Variants in AGO1 observed in about 807,000 individuals in gnomAD.
AGO1 encodes the protein protein argonaute-1.
Under a neutral mutation model 109.2 loss-of-function variants are expected in AGO1, and 11 were observed. The observed-to-expected ratio is 0.10, with a 90% CI of 0.06 to 0.17. The LOEUF is 0.17. Among genes scored for constraint, AGO1 ranks in the 10% least tolerant of loss-of-function variants. The pLI, the probability that AGO1 is intolerant of heterozygous loss-of-function variation, is 1.00. For synonymous variants in AGO1, 422 were observed against 418.6 expected (o/e 1.01, Z -0.10); for missense variants, 574 against 1,140.3 (o/e 0.50, Z 7.15).
chr1:35,923,379 G>C lies in AGO1; in HGVS notation c.*3772G>C. The C allele has an allele frequency of 1.3e-5, 2 of 152,478 alleles. No individual in the cohort carries two copies. The allele number at this position is 152,478 out of a possible 1,614,324, so 9.4% of individuals were successfully genotyped here. A position where few individuals can be genotyped will look rare whatever the true frequency, so the allele number is the denominator to read the frequency against. On this transcript the variant is annotated 3_prime_UTR_variant, in exon 19 of 19. Coordinates refer to ENST00000373204, the MANE Select transcript of AGO1 (RefSeq NM_012199.5). Reference sequence around the variant, plus strand: ...GGCCCATAGGATATCTGTAAGGCTGGTGGGACAGTTTTGGACCTGGAATCA... The same window carrying C: ...GGCCCATAGGATATCTGTAAGGCTGCTGGGACAGTTTTGGACCTGGAATCA...
upstream of AGO1, among the ~76,000 whole-genome samples, chr1:35,878,285 A>G (rs931557982): frequency 6.6e-5 from 10 of 150,658 alleles, no homozygotes; most frequent in Admixed American, 3.3e-4. Flanking sequence ...TGGGGTTTCA[A>G]CTTGTTAGCC....
In AGO1 at chr1:35,919,677, C is replaced by G; in HGVS notation, c.*70C>G. On this transcript the variant is annotated 3_prime_UTR_variant, in exon 19 of 19. Transcript: ENST00000373204. The surrounding 1 kb of genome is among the most constrained non-coding windows in gnomAD (Gnocchi z 6.6). Reference sequence around the variant, plus strand: ...GCCCCAGGAGCTGTGCCACCCAAATCCAGAGGAAGCAAGGAGGAGGGAGGT... The same window carrying G: ...GCCCCAGGAGCTGTGCCACCCAAATGCAGAGGAAGCAAGGAGGAGGGAGGT... 1 of 1,448,718 alleles carries G rather than the reference C, an allele frequency of 6.9e-7. No individual in the cohort carries two copies. The highest frequency in any genetic ancestry group is 2.3e-5 in the East Asian group (1 of 42,796). 89.7% of individuals were successfully genotyped at this position (1,448,718 alleles called of 1,614,324 possible).
upstream of AGO1, chr1:35,882,714 G>A (rs1052898221): frequency 3.0e-6 from 2 of 673,400 alleles, no homozygotes; most frequent in African/African-American, 3.9e-5. The surrounding 1 kb of genome is among the most constrained non-coding windows in gnomAD (Gnocchi z 5.1). Flanking sequence ...TCCAGCACAT[G>A]GCGTGGAAGA....
intron 12 of AGO1, 97 bp from the exon 13 acceptor site, chr1:35,913,745 T>A (rs756899281): frequency 7.0e-6 from 9 of 1,277,752 alleles, no homozygotes; most frequent in Non-Finnish European, 9.8e-6. Context: ...TTCCTGTCAT[T>A]ATTGTGTTCC....
intron 15 of AGO1, among the ~76,000 whole-genome samples, chr1:35,916,225 A>G (rs1645732853): frequency 6.6e-6 from 1 of 151,810 alleles, no homozygotes; most frequent in Non-Finnish European, 1.5e-5. Context: ...ATAATAGTGT[A>G]TTTCCATTTA....
rs368250195 is a variant in AGO1, at chr1:35,872,889, GTTC to G, written c.-201+2989_-201+2991del. ...AGCCACCATGCTTGGGTCTATTTCT[GTTC>G]TTTTCAGTTTTTTTGTTTGTTTGTT... On this transcript the variant is annotated intron_variant, in intron 1 of 18. Transcript: ENST00000373206. 1.2e-4 allele frequency among the ~76,000 whole-genome samples: 18 copies of G among 151,920 alleles called. No individual in the cohort carries two copies. The East Asian group carries it at 2.5e-3, about 21-fold the overall frequency.
In AGO1 at chr1:35,915,396, C is replaced by G. The variant is rs746534916; in HGVS notation, c.1882C>G (p.Arg628Gly). ...CCCCAGCCGATACTGTGCTACTGTG[C>G]GGGTACAGCGACCACGGCAAGAGAT... ...AHPSRYCATV[R>G]VQRPRQEIIE... Residue 628 changes from arginine to glycine, a missense_variant, in exon 15 of 19, where the codon CGG (arginine) becomes GGG (glycine). Arg to Gly is a moderately radical substitution (Grantham distance 125, BLOSUM62 -2). Transcript: ENST00000373204. 20 of 1,613,906 alleles carry G rather than the reference C, an allele frequency of 1.2e-5. No individual in the cohort carries two copies. Among genetic ancestry groups the G allele is most frequent in the Admixed American group, 1.7e-5 (1 of 59,994 alleles).
chr1:35,873,093 T>G (rs1644966388), intron 1 of AGO1, among the ~76,000 whole-genome samples: 1 of 151,944 alleles, frequency 6.6e-6, no homozygotes, highest in Non-Finnish European at 1.5e-5. Flanking sequence ...TGTCTATGCT[T>G]AGCAAAGTTT....
At chr1:35,871,270 G>T (rs188204238) in intron 1 of AGO1, among the ~76,000 whole-genome samples, 5 of 152,286 alleles carry the variant, frequency 3.3e-5, no homozygotes, top group Non-Finnish European at 7.3e-5. Flanking sequence ...ATTAGGCTGG[G>T]CGAGGTGGCT....
chr1:35,915,178 T>C (rs1302516715), intron 14 of AGO1, among the ~76,000 whole-genome samples, 170 bp from the exon 15 acceptor site: 2 of 152,028 alleles, frequency 1.3e-5, no homozygotes, highest in Non-Finnish European at 2.9e-5. Flanking sequence ...TCAGAGAGAT[T>C]GAGTAACTTC....
In AGO1 at chr1:35,883,893, CTG is replaced by C. The variant is rs1398464208; in HGVS notation, c.25+450_25+451del. 6.6e-6 allele frequency among the ~76,000 whole-genome samples: 1 copy of C among 152,230 alleles called. No homozygotes were observed. Among genetic ancestry groups the C allele is most frequent in the East Asian group, 1.9e-4 (1 of 5,194 alleles). ...CTTGGGAGAAGGCGCCAGAGCTGGA[CTG>C]TGAGCTCCGCCCCACTGGGCCTGAC... On this transcript the variant is annotated intron_variant, in intron 1 of 18. Transcript: ENST00000373204. This position sits in a 1 kb window ranked among gnomAD's most constrained non-coding sequence, Gnocchi z 5.4.
chr1:35,878,068 TTTTTA>T (rs1279786424), intron 1 of AGO1, among the ~76,000 whole-genome samples: 1 of 150,958 alleles, frequency 6.6e-6, no homozygotes, highest in Non-Finnish European at 1.5e-5. Flanking sequence ...ACCTGTTTCC[TTTTTA>T]TTTTTATTTA....
Position 35,893,149 on chromosome 1 carries a change from T to C in AGO1, c.383T>C (p.Val128Ala). 2 of 1,614,092 alleles carry C rather than the reference T, an allele frequency of 1.2e-6. No homozygotes were observed. The highest frequency in any genetic ancestry group is 1.7e-6 in the Non-Finnish European group (2 of 1,180,014). ...PGEGKDRIFK[V>A]SIKWLAIVSW... Reference sequence around the variant, plus strand: ...GAAGGGAAGGATCGAATCTTTAAGGTCTCCATCAAGTGGCTAGCCATTGTG... The same window carrying C: ...GAAGGGAAGGATCGAATCTTTAAGGCCTCCATCAAGTGGCTAGCCATTGTG... Residue 128 changes from valine (V) to alanine (A), a missense_variant, in exon 4 of 19, where the codon GTC becomes GCC. Around this residue, in one of 8 missense-constraint regions of AGO1, gnomAD observed 129 missense variants for 243.0 expected, o/e 0.53. Transcript: ENST00000373204. This position sits in a 1 kb window ranked among gnomAD's most constrained non-coding sequence, Gnocchi z 5.6.
At chr1:35,902,999 CTTTTTTTT>C (rs899277604) in intron 11 of AGO1, among the ~76,000 whole-genome samples, 2 of 108,806 alleles carry the variant, frequency 1.8e-5, no homozygotes, top group African/African-American at 3.4e-5. Flanking sequence ...CACCTGGAGT[CTTTTTTTT>C]TTTTTTTTTT....
chr1:35,885,470 G>C (rs1478168591), intron 1 of AGO1, among the ~76,000 whole-genome samples: 1 of 152,232 alleles, frequency 6.6e-6, no homozygotes, highest in Non-Finnish European at 1.5e-5. Flanking sequence ...TCAGTAAAGG[G>C]TATAATTGAG....
chr1:35,901,929 G>T lies in AGO1; in HGVS notation c.1141-19G>T. ...GCCAAGCTCCTGTTCTCCTGAGATT[G>T]CTCTCTTTTGTCCTGCAGATGAAGA... On this transcript the variant is annotated intron_variant, in intron 9 of 18. Coordinates refer to ENST00000373204, the MANE Select transcript of AGO1 (RefSeq NM_012199.5). This position sits in a 1 kb window ranked among gnomAD's most constrained non-coding sequence, Gnocchi z 4.8. 1 of 1,563,090 alleles carries T rather than the reference G, an allele frequency of 6.4e-7. No individual in the cohort carries two copies.
intron 15 of AGO1, 138 bp from the exon 16 acceptor site, chr1:35,917,455 A>C: frequency 4.1e-6 from 4 of 973,160 alleles, no homozygotes; most frequent in Non-Finnish European, 4.5e-6. Flanking sequence ...GTCATCTCTA[A>C]TTGTTGAGCA....
rs1324541265 is a variant in AGO1, at chr1:35,926,952, T to G, written c.*7345T>G. On this transcript the variant is annotated 3_prime_UTR_variant, in exon 19 of 19. Transcript: ENST00000373204. ...ATGGTTTTTTGTTTGGGGTTTTTTT[T>G]TTTTTTTTTTTGGACAAAGTATAAT... is the stretch of plus-strand genomic sequence containing the variant. The G allele has an allele frequency of 8.5e-4, 128 of 151,456 alleles. 1 individual carries two copies. Among genetic ancestry groups the G allele is most frequent in the African/African-American group, 3.0e-3 (126 of 41,320 alleles). The allele number at this position is 151,456 out of a possible 1,614,324, so 9.4% of individuals were successfully genotyped here.
chr1:35,880,843 G>A (rs1247434885), upstream of AGO1, among the ~76,000 whole-genome samples: 1 of 151,968 alleles, frequency 6.6e-6, no homozygotes, highest in African/African-American at 2.4e-5. Context: ...TATTTTTAGT[G>A]TAGATGGGGT....
Sources: allele counts gnomAD v4.1 joint callset (sites outside exome capture counted in the v4.1 genomes callset), GRCh38; gene constraint gnomAD v4.1.1; regional missense constraint gnomAD v4.1.1; non-coding constraint Gnocchi (gnomAD v3.1); transcripts MANE v1.5; gene names NCBI Gene and HGNC (gene_info 2026-07-23, HGNC 2026-07-21).